The following GK variants were observed in gnomAD, a reference collection of about 807,000 sequenced individuals.
GK encodes glycerol kinase, also known as ATP:glycerol 3-phosphotransferase.
In GK, 9 loss-of-function variants were observed where a neutral mutation model predicts 56.4. The observed-to-expected ratio is 0.16, with a 90% CI of 0.10 to 0.28. The LOEUF is 0.28. GK is among the 10% of genes least tolerant of loss of function. The pLI is 1.00. For synonymous variants in GK, 104 were observed against 144.1 expected (o/e 0.72, Z 1.99); for missense variants, 161 against 431.4 (o/e 0.37, Z 5.55).
chrX:30,725,513 G>T (rs999451596), intron 19 of GK, among the ~76,000 whole-genome samples: 2 of 112,287 alleles, frequency 1.8e-5, no homozygotes, highest in Non-Finnish European at 3.8e-5. Flanking sequence ...TGCTGTGTGA[G>T]ATATAACAGA....
At chrX:30,707,921 G>C in intron 12 of GK, 133 bp from the exon 13 acceptor site, 1 of 477,702 alleles carries the variant, frequency 2.1e-6, no homozygotes, top group Non-Finnish European at 3.7e-6. Flanking sequence ...CGTTTTGACT[G>C]TAAGGATTTA....
intron 6 of GK, among the ~76,000 whole-genome samples, chrX:30,695,318 G>A (rs143570050): frequency 2.7e-5 from 3 of 112,109 alleles, no homozygotes; most frequent in Non-Finnish European, 3.8e-5. Flanking sequence ...CCATTTTCAC[G>A]TGTGTCAGTC....
At position 30,709,258 on chromosome X, in the gene GK, A is replaced by G. The variant is rs747588761; in HGVS notation, c.975+1124A>G. Reference sequence around the variant, plus strand: ...TGGGAAACAATCAGTGCTTTAGAATACAGGTGCCTTAGACCTGGGACAGGC... The same window carrying G: ...TGGGAAACAATCAGTGCTTTAGAATGCAGGTGCCTTAGACCTGGGACAGGC... On this transcript the variant is annotated intron_variant, in intron 13 of 20. Coordinates refer to ENST00000427190, the MANE Select transcript of GK (RefSeq NM_001205019.2). Among the ~76,000 whole-genome samples the G allele has an allele frequency of 1.1e-3, 119 of 111,737 alleles. 1 individual carries two copies. Among genetic ancestry groups the G allele is most frequent in the African/African-American group, 3.7e-3 (113 of 30,764 alleles).
chrX:30,655,400 A>AG (rs200013728), intron 1 of GK, among the ~76,000 whole-genome samples: 4,036 of 111,960 alleles, frequency 0.036, 89 homozygotes, highest in Admixed American at 0.099. Context: ...GGCAGGTAGA[A>AG]GGGGGAAGGC....
intron 11 of GK, among the ~76,000 whole-genome samples, chrX:30,705,653 T>C (rs1330842919): frequency 1.8e-5 from 2 of 112,761 alleles, no homozygotes; most frequent in African/African-American, 6.4e-5. Context: ...GAGTACAATG[T>C]ACAATGAGGA....
chrX:30,704,127 T>TA (rs1460224356), intron 11 of GK, among the ~76,000 whole-genome samples: 7 of 56,172 alleles, frequency 1.2e-4, no homozygotes, highest in Admixed American at 4.1e-4. Flanking sequence ...AGTTATTCAT[T>TA]TTATATATAT....
At chrX:30,720,593 T>C in intron 16 of GK, 28 bp from the exon 17 acceptor site, 1 of 1,177,098 alleles carries the variant, frequency 8.5e-7, no homozygotes, top group Non-Finnish European at 1.2e-6. Context: ...AATAGATTTA[T>C]AACATTAATT....
intron 3 of GK, among the ~76,000 whole-genome samples, chrX:30,671,000 A>C (rs1429496512): frequency 2.8e-5 from 3 of 106,284 alleles, no homozygotes; most frequent in Non-Finnish European, 5.8e-5. Flanking sequence ...CAAAACCAAC[A>C]AAAAAGGCTG....
rs764122307 is a variant in GK at position 30,668,302 on chromosome X, C to T, written c.259+184C>T. Among the ~76,000 whole-genome samples the T allele has an allele frequency of 3.6e-5, 4 of 111,889 alleles. No individual in the cohort carries two copies. The East Asian group carries it at 8.4e-4, about 23-fold the overall frequency. On this transcript the variant is annotated intron_variant, in intron 3 of 20. Transcript: ENST00000427190. Reference sequence around the variant, plus strand: ...CATGGAGCTTTTATTTGGATGGGGGCGAGATAATAAGAGCAGAAAAATATA... The same window carrying T: ...CATGGAGCTTTTATTTGGATGGGGGTGAGATAATAAGAGCAGAAAAATATA...
chrX:30,677,839 A>G (rs1192053062), intron 4 of GK, among the ~76,000 whole-genome samples: 1 of 103,158 alleles, frequency 9.7e-6, no homozygotes, highest in Non-Finnish European at 2.0e-5. Context: ...AAAAAAAAAG[A>G]AAGAAAAAAA....
At chrX:30,654,537 G>A (rs1408143355) in intron 1 of GK, among the ~76,000 whole-genome samples, 1 of 111,140 alleles carries the variant, frequency 9.0e-6, no homozygotes, top group Non-Finnish European at 1.9e-5. Flanking sequence ...AAGGTCAGGA[G>A]TTCGAGACCA....
chrX:30,654,387 T>A (rs1932086769), intron 1 of GK, among the ~76,000 whole-genome samples: 1 of 112,539 alleles, frequency 8.9e-6, no homozygotes, highest in Admixed American at 9.4e-5. Context: ...GCTGATTAAT[T>A]TTTGTGCAAT....
Position 30,660,198 on chromosome X carries a change from G to GTAATAA in GK, c.79-5294_79-5289dup, listed in dbSNP as rs62990461. Among the ~76,000 whole-genome samples, 114 of 108,515 alleles carry GTAATAA rather than the reference G, an allele frequency of 1.1e-3. 1 individual carries two copies. The highest frequency in any genetic ancestry group is 3.6e-3 in the African/African-American group (108 of 29,858). 94.2% of individuals were successfully genotyped at this position (108,515 alleles called of 115,157 possible). On this transcript the variant is annotated intron_variant, in intron 1 of 20. Coordinates refer to ENST00000427190, the MANE Select transcript of GK (RefSeq NM_001205019.2). ...GTAATACTATCACTTATAGGTAATAGTAATAATAATAATAATAATAATAAC... is the reference window on the plus strand; with the variant it reads ...GTAATACTATCACTTATAGGTAATAGTAATAATAATAATAATAATAATAATAATAAC...
intron 4 of GK, among the ~76,000 whole-genome samples, chrX:30,688,306 C>T (rs1035388725): frequency 9.0e-6 from 1 of 111,256 alleles, no homozygotes; most frequent in African/African-American, 3.3e-5. Context: ...CACAGGGCCA[C>T]TGGGACTTGG....
chrX:30,689,759 G>A (rs1601909133), intron 4 of GK: 1 of 232,487 alleles, frequency 4.3e-6, no homozygotes, highest in African/African-American at 2.9e-5. Context: ...TACACTACAT[G>A]GCTGAGGGTG....
At chrX:30,718,103 T>A (rs1569174268) in intron 13 of GK, among the ~76,000 whole-genome samples, 1 of 112,309 alleles carries the variant, frequency 8.9e-6, no homozygotes, top group Non-Finnish European at 1.9e-5. Context: ...CTAGCTTCTT[T>A]GCTTTTTGTT....
intron 13 of GK, among the ~76,000 whole-genome samples, chrX:30,714,131 C>T (rs1050037162): frequency 2.7e-5 from 3 of 111,947 alleles, no homozygotes; most frequent in Admixed American, 9.5e-5. Context: ...TATGGTTTAA[C>T]GATTATAGCG....
Position 30,695,233 on chromosome X carries a change from A to G in GK, c.552+696A>G, listed in dbSNP as rs1446286140. On this transcript the variant is annotated intron_variant, in intron 6 of 20. Coordinates refer to ENST00000427190, the MANE Select transcript of GK (RefSeq NM_001205019.2). ...CCACAGAGCAGGTCTTTCAGAACCC[A>G]TATCAGAAAGAGGCACCTTCTTCAC... 24 of 735,232 alleles carry G rather than the reference A, an allele frequency of 3.3e-5. No individual in the cohort carries two copies. In the Admixed American group the frequency reaches 8.0e-4, roughly 24 times the overall value. 60.6% of individuals were successfully genotyped at this position (735,232 alleles called of 1,213,427 possible).
intron 18 of GK, 56 bp downstream of exon 18, chrX:30,721,051 C>T (rs1388013608): frequency 4.6e-6 from 5 of 1,094,308 alleles, no homozygotes; most frequent in African/African-American, 3.6e-5. Flanking sequence ...CCTTAGTGCA[C>T]GGGAGTTTTG....
Sources: gnomAD v4.1 joint callset for allele counts (sites outside exome capture counted in the v4.1 genomes callset) on GRCh38, gnomAD v4.1.1 for gene constraint, MANE v1.5 for transcripts, NCBI Gene and HGNC (gene_info 2026-07-23, HGNC 2026-07-21) for gene names.